The following MAPK10 variants were observed in gnomAD, a reference collection of about 807,000 sequenced individuals.
The protein encoded by MAPK10 is mitogen-activated protein kinase 10.
In MAPK10, 25 loss-of-function variants were observed where a neutral mutation model predicts 59.3. That is an observed-to-expected ratio of 0.42 (90% CI 0.31 to 0.59). MAPK10 has a LOEUF of 0.59. Among genes scored for constraint, MAPK10 ranks in the 20% least tolerant of loss-of-function variants. The pLI is 0.15. For synonymous variants in MAPK10, 190 were observed against 200.5 expected (o/e 0.95, Z 0.44); for missense variants, 351 against 568.9 (o/e 0.62, Z 3.90).
intron 3 of MAPK10, among the ~76,000 whole-genome samples, chr4:86,185,759 T>C (rs958108619): frequency 1.3e-5 from 2 of 152,148 alleles, no homozygotes; most frequent in African/African-American, 2.4e-5. Context: ...AGCTTGAATA[T>C]GGAGTGTGAC....
chr4:86,343,874 G>GTAGTT (rs1347859702), intron 2 of MAPK10, among the ~76,000 whole-genome samples: 2 of 120,826 alleles, frequency 1.7e-5, no homozygotes, highest in Admixed American at 9.1e-5. Flanking sequence ...TTTCTTAAAA[G>GTAGTT]TAGTTTTCAT....
intron 4 of MAPK10, among the ~76,000 whole-genome samples, chr4:86,144,737 T>C (rs1257841755): frequency 6.6e-6 from 1 of 152,192 alleles, no homozygotes; most frequent in Non-Finnish European, 1.5e-5. Context: ...CTGTCTTTTA[T>C]AATATTGCAC....
intron 2 of MAPK10, among the ~76,000 whole-genome samples, chr4:86,324,763 C>T (rs1564388667): frequency 6.6e-6 from 1 of 152,150 alleles, no homozygotes; most frequent in Non-Finnish European, 1.5e-5. Flanking sequence ...TTTCTTAGTC[C>T]TCTTTCCAGG....
intron 2 of MAPK10, among the ~76,000 whole-genome samples, chr4:86,247,094 C>T (rs962141833): frequency 6.6e-5 from 10 of 152,068 alleles, no homozygotes; most frequent in Non-Finnish European, 2.9e-5. Flanking sequence ...CAACTGCCAA[C>T]CATGAAGGAA....
At chr4:86,574,940 G>C (rs991196554) in intron 1 of MAPK10, among the ~76,000 whole-genome samples, 2 of 152,126 alleles carry the variant, frequency 1.3e-5, no homozygotes, top group African/African-American at 4.8e-5. Context: ...TTGTGCCAAA[G>C]TGTGCACAAA....
chr4:86,170,959 T>C (rs1358807418), intron 3 of MAPK10: 2 of 151,870 alleles, frequency 1.3e-5, no homozygotes, highest in East Asian at 1.9e-4. Flanking sequence ...CTGAACAACC[T>C]GCTCCTGAAT....
intron 1 of MAPK10, among the ~76,000 whole-genome samples, chr4:86,462,777 A>T (rs933022012): frequency 1.3e-5 from 2 of 152,302 alleles, no homozygotes; most frequent in Admixed American, 6.5e-5. Context: ...ATTCTAGAAC[A>T]GTTATATAGC....
upstream of MAPK10, among the ~76,000 whole-genome samples, chr4:86,364,867 C>G (rs948112617): frequency 1.3e-5 from 2 of 152,026 alleles, no homozygotes; most frequent in African/African-American, 2.4e-5. Context: ...ATAATCCCAG[C>G]TAATTGGGAG....
At chr4:86,452,390 G>T (rs1394927495) in intron 1 of MAPK10, among the ~76,000 whole-genome samples, 1 of 152,154 alleles carries the variant, frequency 6.6e-6, no homozygotes, top group Non-Finnish European at 1.5e-5. Flanking sequence ...GCAAGAGAGA[G>T]AAATTATTGT....
intron 1 of MAPK10, among the ~76,000 whole-genome samples, chr4:86,506,724 G>A (rs1283585616): frequency 6.6e-6 from 1 of 152,078 alleles, no homozygotes; most frequent in African/African-American, 2.4e-5. Context: ...GAAACTCCAG[G>A]AGCCAGTGTC....
intron 2 of MAPK10, among the ~76,000 whole-genome samples, chr4:86,260,234 A>C (rs1453812619): frequency 1.3e-5 from 2 of 152,048 alleles, no homozygotes; most frequent in Non-Finnish European, 2.9e-5. Context: ...TCTGTGTTCA[A>C]TGTCATTCTG....
chr4:86,064,444 AT>A, intron 10 of MAPK10, 54 bp from the exon 11 acceptor site: 1 of 1,578,602 alleles, frequency 6.3e-7, no homozygotes, highest in Non-Finnish European at 8.7e-7. Context: ...CAGTAAGGAA[AT>A]TTGTCAGAGA....
chr4:86,572,972 T>C (rs562160243), intron 1 of MAPK10, among the ~76,000 whole-genome samples: 3 of 152,196 alleles, frequency 2.0e-5, no homozygotes, highest in Non-Finnish European at 4.4e-5. Flanking sequence ...TTTTGCCCAA[T>C]TAAAAAAATG....
At chr4:86,329,904 G>A (rs2096114343) in intron 2 of MAPK10, among the ~76,000 whole-genome samples, 1 of 152,112 alleles carries the variant, frequency 6.6e-6, no homozygotes, top group Non-Finnish European at 1.5e-5. Flanking sequence ...AAGCAATGAA[G>A]CCACTAATAG....
intron 1 of MAPK10, among the ~76,000 whole-genome samples, chr4:86,410,819 G>C (rs1049312189): frequency 2.0e-5 from 3 of 151,360 alleles, no homozygotes; most frequent in African/African-American, 7.3e-5. Flanking sequence ...TCTTGCTAGT[G>C]GTCCATTTTG....
intron 1 of MAPK10, among the ~76,000 whole-genome samples, chr4:86,444,176 C>T (rs1213705818): frequency 6.6e-6 from 1 of 151,954 alleles, no homozygotes; most frequent in African/African-American, 2.4e-5. Flanking sequence ...AACAATAATG[C>T]CTGAAGATTT....
At chr4:86,106,443 A>G (rs2056550594) in intron 5 of MAPK10, among the ~76,000 whole-genome samples, 1 of 148,708 alleles carries the variant, frequency 6.7e-6, no homozygotes, top group Admixed American at 6.7e-5. Flanking sequence ...TTTATTATAT[A>G]TTTATATCTA....
At chr4:86,574,174 C>T (rs1461131678) in intron 1 of MAPK10, among the ~76,000 whole-genome samples, 12 of 151,442 alleles carry the variant, frequency 7.9e-5, no homozygotes, top group Non-Finnish European at 7.4e-5. Flanking sequence ...TTTGTCCTTG[C>T]GACAGTTTAC....
At chr4:86,286,223 A>G (rs929798859) in intron 2 of MAPK10, among the ~76,000 whole-genome samples, 2 of 152,228 alleles carry the variant, frequency 1.3e-5, no homozygotes, top group African/African-American at 4.8e-5. Context: ...ACAGAGCAAT[A>G]GATTATCACT....
Sources: gnomAD v4.1 joint callset for allele counts (sites outside exome capture counted in the v4.1 genomes callset) on GRCh38, gnomAD v4.1.1 for gene constraint, MANE v1.5 for transcripts, NCBI Gene and HGNC (gene_info 2026-07-23, HGNC 2026-07-21) for gene names.